PARVB: variants seen among roughly 807,000 people sequenced by gnomAD.
The protein encoded by PARVB is beta-parvin.
In PARVB, 46 loss-of-function variants were observed where a neutral mutation model predicts 47.0. The observed-to-expected ratio is 0.98, with a 90% CI of 0.77 to 1.25. The LOEUF is 1.25. Among genes scored for constraint, PARVB ranks in the 50% most tolerant of loss-of-function variants. The probability of loss-of-function intolerance (pLI) is 0.00; values close to 1 mark genes in which losing one functional copy is unlikely to be tolerated. For missense variants in PARVB, 473 were observed against 471.6 expected (o/e 1.00, Z -0.03); for synonymous variants, 196 against 196.3 (o/e 1.00, Z 0.01).
At chr22:44,001,652 T>C (rs2050414369) in intron 2 of PARVB, among the ~76,000 whole-genome samples, 1 of 152,220 alleles carries the variant, frequency 6.6e-6, no homozygotes. Flanking sequence ...GCCAAGCTCA[T>C]GGTGCTGGAT....
At chr22:44,140,360 G>A in intron 8 of PARVB, 1 of 709,352 alleles carries the variant, frequency 1.4e-6, no homozygotes, top group Non-Finnish European at 2.6e-6. Context: ...GTTGTGCTAG[G>A]AGGAGTGGGG....
intron 2 of PARVB, among the ~76,000 whole-genome samples, chr22:44,004,173 A>G (rs1475834951): frequency 6.6e-6 from 1 of 152,252 alleles, no homozygotes; most frequent in Non-Finnish European, 1.5e-5. Context: ...AAGACATCAC[A>G]GCAGACACGA....
chr22:44,163,760 A>C, intron 11 of PARVB, 98 bp from the exon 12 acceptor site: 1 of 1,014,738 alleles, frequency 9.9e-7, no homozygotes, highest in South Asian at 1.7e-5. Flanking sequence ...AGCGTTGCAG[A>C]GGCTCGGTCC....
At chr22:44,023,434 T>G (rs2050674989), upstream of PARVB, among the ~76,000 whole-genome samples, 5 of 151,672 alleles carry the variant, frequency 3.3e-5, no homozygotes, top group South Asian at 1.0e-3. Flanking sequence ...TCGCTTTAAC[T>G]CAGGAGGTGG....
At chr22:44,165,895 G>C (rs12167883) in intron 12 of PARVB, among the ~76,000 whole-genome samples, 1,957 of 152,318 alleles carry the variant, frequency 0.013, 54 homozygotes, top group African/African-American at 0.045. Context: ...CTGCTAGCTC[G>C]GCGTTAGTGT....
intron 1 of PARVB, among the ~76,000 whole-genome samples, chr22:44,047,295 T>A (rs552233949): frequency 6.6e-6 from 1 of 152,298 alleles, no homozygotes; most frequent in Admixed American, 6.5e-5. Flanking sequence ...GGAGGTGCCA[T>A]GCTCTTTTCT....
intron 3 of PARVB, chr22:44,114,728 C>T (rs1156546337): frequency 8.9e-6 from 1 of 112,226 alleles, no homozygotes; most frequent in African/African-American, 3.9e-5. Flanking sequence ...CTAAGTAAGG[C>T]CCTGCACCAA....
chr22:44,058,396 T>G (rs1335963233), intron 1 of PARVB, among the ~76,000 whole-genome samples: 2 of 152,242 alleles, frequency 1.3e-5, no homozygotes, highest in East Asian at 3.9e-4. Context: ...GTCTTCTCTC[T>G]GCATGTCAGC....
intron 4 of PARVB, among the ~76,000 whole-genome samples, chr22:44,122,885 A>G (rs188572201): frequency 3.5e-4 from 53 of 152,164 alleles, no homozygotes; most frequent in African/African-American, 1.3e-3. Context: ...TCCTTCGTTT[A>G]TTCACCCAGT....
At chr22:44,065,106 A>T (rs2051493422) in intron 1 of PARVB, among the ~76,000 whole-genome samples, 1 of 151,848 alleles carries the variant, frequency 6.6e-6, no homozygotes. Flanking sequence ...CCCCACTGAG[A>T]CCCTGGAAAC....
chr22:44,163,752 C>A, intron 11 of PARVB, 106 bp from the exon 12 acceptor site: 2 of 926,792 alleles, frequency 2.2e-6, no homozygotes, highest in Non-Finnish European at 1.6e-6. Context: ...TGGACGTCAG[C>A]GTTGCAGAGG....
intron 1 of PARVB, among the ~76,000 whole-genome samples, chr22:44,059,139 A>C (rs2051374103): frequency 1.4e-5 from 2 of 146,124 alleles, no homozygotes; most frequent in Admixed American, 1.4e-4. Context: ...TCTGCTTCTC[A>C]CATTTAAGCG....
chr22:44,101,719 G>A (rs2052452382), intron 3 of PARVB, among the ~76,000 whole-genome samples: 1 of 149,386 alleles, frequency 6.7e-6, no homozygotes, highest in South Asian at 2.1e-4. Flanking sequence ...CTGCACTCCA[G>A]CCTGGGCACC....
chr22:44,000,701 C>T (rs973845475), intron 2 of PARVB, among the ~76,000 whole-genome samples: 5 of 152,184 alleles, frequency 3.3e-5, no homozygotes, highest in African/African-American at 4.8e-5. Context: ...TAACTGTGAA[C>T]ATTCTTTGAT....
intron 8 of PARVB, chr22:44,140,785 A>T (rs1196447177): frequency 6.4e-6 from 2 of 312,060 alleles, no homozygotes; most frequent in East Asian, 7.7e-5. Flanking sequence ...GGCTGGTTTT[A>T]TTAGTGTTGG....
chr22:44,124,252 T>C (rs971809715), intron 4 of PARVB, among the ~76,000 whole-genome samples: 2 of 152,184 alleles, frequency 1.3e-5, no homozygotes, highest in African/African-American at 2.4e-5. Flanking sequence ...TCAGTTCTCA[T>C]AGAGCCCTGA....
chr22:44,122,546 GAGAGAGAC>G (rs1569134488), intron 4 of PARVB, among the ~76,000 whole-genome samples: 1,421 of 94,336 alleles, frequency 0.015, 56 homozygotes, highest in Admixed American at 0.023. Context: ...GAGAGAGAGA[GAGAGAGAC>G]ACAGAGACAG....
intron 1 of PARVB, among the ~76,000 whole-genome samples, chr22:44,060,085 C>CA (rs1220663544): frequency 6.6e-6 from 1 of 152,136 alleles, no homozygotes; most frequent in Non-Finnish European, 1.5e-5. Context: ...AAGGCCAAGG[C>CA]AGGTGGATCA....
intron 1 of PARVB, among the ~76,000 whole-genome samples, chr22:44,082,654 A>G (rs1385618644): frequency 6.6e-6 from 1 of 152,184 alleles, no homozygotes; most frequent in Non-Finnish European, 1.5e-5. Context: ...CGGCCCCTCC[A>G]TGCCCCGGTT....
Sources: gnomAD v4.1 joint callset for allele counts (sites outside exome capture counted in the v4.1 genomes callset) on GRCh38, gnomAD v4.1.1 for gene constraint, MANE v1.5 for transcripts, NCBI Gene and HGNC (gene_info 2026-07-23, HGNC 2026-07-21) for gene names.